Variants in TESC observed in about 807,000 individuals in gnomAD.
TESC encodes the protein calcineurin B homologous protein 3.
A neutral mutation model predicts 31.0 loss-of-function variants in TESC; 19 were observed. That is an observed-to-expected ratio of 0.61 (90% CI 0.43 to 0.90). TESC has a LOEUF of 0.90. Ranked by LOEUF, TESC falls within the 40% of genes least tolerant of loss-of-function variation. The pLI is 0.00. For missense variants in TESC, 248 were observed against 303.8 expected (o/e 0.82, Z 1.36); for synonymous variants, 109 against 114.8 (o/e 0.95, Z 0.32).
intron 2 of TESC, among the ~76,000 whole-genome samples, chr12:117,060,588 C>A (rs558257272): frequency 1.3e-5 from 2 of 152,164 alleles, no homozygotes; most frequent in African/African-American, 4.8e-5. Flanking sequence ...AGCTCACAAC[C>A]GTGCAAGCAA....
At chr12:117,058,012 G>A (rs2135762285) in intron 2 of TESC, among the ~76,000 whole-genome samples, 1 of 152,272 alleles carries the variant, frequency 6.6e-6, no homozygotes, top group East Asian at 1.9e-4. Context: ...TTGAGGTCAG[G>A]AGTTCAAGAC....
intron 6 of TESC, 88 bp from the exon 7 acceptor site, chr12:117,042,082 C>G (rs1011149158): frequency 5.1e-5 from 67 of 1,308,740 alleles, no homozygotes; most frequent in Non-Finnish European, 6.6e-5. Context: ...CTCCCCTCCC[C>G]ACCAATACCC....
At chr12:117,045,607 A>C (rs1050964691) in intron 6 of TESC, among the ~76,000 whole-genome samples, 1 of 152,070 alleles carries the variant, frequency 6.6e-6, no homozygotes, top group Non-Finnish European at 1.5e-5. Context: ...AAACCAACCG[A>C]CCACAGCCCC....
chr12:117,043,248 T>C (rs1263824708), intron 6 of TESC, among the ~76,000 whole-genome samples: 1 of 151,808 alleles, frequency 6.6e-6, no homozygotes, highest in African/African-American at 2.4e-5. Context: ...TACATTGGTA[T>C]ATGTAGGAAA....
chr12:117,048,784 C>T (rs1224582777), intron 4 of TESC: 2 of 685,464 alleles, frequency 2.9e-6, no homozygotes, highest in East Asian at 3.0e-5. Context: ...ACCGCACAAC[C>T]CCCTTCTAGT....
chr12:117,075,427 A>G, intron 1 of TESC, 87 bp from the exon 2 acceptor site: 1 of 1,434,878 alleles, frequency 7.0e-7, no homozygotes, highest in South Asian at 1.2e-5. Context: ...CTTTTGCCCC[A>G]TCCCCACTGG....
intron 1 of TESC, among the ~76,000 whole-genome samples, chr12:117,090,880 CT>C (rs1170056240): frequency 6.6e-6 from 1 of 152,202 alleles, no homozygotes; most frequent in Non-Finnish European, 1.5e-5. Context: ...ACCTCAGCAC[CT>C]GGGGCAAGCT....
At chr12:117,043,911 C>T (rs1444771293) in intron 6 of TESC, among the ~76,000 whole-genome samples, 1 of 152,116 alleles carries the variant, frequency 6.6e-6, no homozygotes, top group East Asian at 1.9e-4. Context: ...GCTGTTTCTA[C>T]TGGCAGGACT....
At chr12:117,084,346 C>T (rs193129526) in intron 1 of TESC, among the ~76,000 whole-genome samples, 4 of 152,250 alleles carry the variant, frequency 2.6e-5, no homozygotes, top group Non-Finnish European at 5.9e-5. Flanking sequence ...AGAAGGGGCC[C>T]GTGCAGGCAT....
chr12:117,039,238 C>A, intron 7 of TESC, 28 bp from the exon 8 acceptor site: 1 of 1,599,730 alleles, frequency 6.3e-7, no homozygotes, highest in Non-Finnish European at 8.5e-7. Context: ...GCGTTAAGGG[C>A]ACGTTCCCGC....
chr12:117,079,321 G>T (rs752641692), intron 1 of TESC, among the ~76,000 whole-genome samples: 27 of 152,102 alleles, frequency 1.8e-4, no homozygotes, highest in African/African-American at 6.0e-4. Context: ...CAGCACTTTG[G>T]GGGGCTGAGG....
chr12:117,066,409 T>C (rs1954883199), intron 2 of TESC, among the ~76,000 whole-genome samples: 1 of 149,014 alleles, frequency 6.7e-6, no homozygotes. Context: ...TCTCACTGTG[T>C]TGCCCAGGCT....
intron 3 of TESC, among the ~76,000 whole-genome samples, chr12:117,050,015 G>A (rs1302554357): frequency 1.3e-5 from 2 of 151,864 alleles, no homozygotes; most frequent in Admixed American, 6.6e-5. Flanking sequence ...GTTCAGTGGT[G>A]CAGCCTCAAA....
intron 2 of TESC, 131 bp from the exon 3 acceptor site, chr12:117,057,017 G>C (rs2135761009): frequency 1.2e-6 from 1 of 840,538 alleles, no homozygotes. Flanking sequence ...TTCAGAGTTA[G>C]GAGACAGAAC....
intron 1 of TESC, among the ~76,000 whole-genome samples, chr12:117,076,550 TCTCGCGCCCCAGC>T (rs1955076907): frequency 6.6e-6 from 1 of 151,588 alleles, no homozygotes; most frequent in Admixed American, 6.6e-5. Context: ...TTCCAGCGAT[TCTCGCGCCCCAGC>T]CTCCCAAGTA....
intron 4 of TESC, chr12:117,048,628 AG>A: frequency 2.2e-6 from 1 of 449,378 alleles, no homozygotes; most frequent in Admixed American, 2.4e-5. Flanking sequence ...TGTGTGCCAA[AG>A]GCTGACTGTG....
At chr12:117,083,354 C>T (rs1955174668) in intron 1 of TESC, among the ~76,000 whole-genome samples, 1 of 152,228 alleles carries the variant, frequency 6.6e-6, no homozygotes. Context: ...GCTGGAATTA[C>T]AGGCGTGAGC....
At chr12:117,062,555 G>C (rs1331460954) in intron 2 of TESC, among the ~76,000 whole-genome samples, 1 of 152,192 alleles carries the variant, frequency 6.6e-6, no homozygotes, top group East Asian at 1.9e-4. Flanking sequence ...AACTGAGGCA[G>C]AGAGATGAAG....
chr12:117,042,701 G>A (rs1056587056), intron 6 of TESC, among the ~76,000 whole-genome samples: 2 of 152,122 alleles, frequency 1.3e-5, no homozygotes, highest in East Asian at 1.9e-4. Flanking sequence ...CCCTTTCACC[G>A]ATACTCCAGG....
Sources: gnomAD v4.1 joint callset for allele counts (sites outside exome capture counted in the v4.1 genomes callset) on GRCh38, gnomAD v4.1.1 for gene constraint, MANE v1.5 for transcripts, NCBI Gene and HGNC (gene_info 2026-07-23, HGNC 2026-07-21) for gene names.